The following EPN2 variants were observed in gnomAD, a reference collection of about 807,000 sequenced individuals.
EPN2 encodes epsin-2.
Under a neutral mutation model 61.7 loss-of-function variants are expected in EPN2, and 34 were observed. The observed-to-expected ratio is 0.55, with a 90% CI of 0.42 to 0.73. EPN2 has a LOEUF of 0.73. Ranked by LOEUF, EPN2 falls within the 30% of genes least tolerant of loss-of-function variation. The probability of loss-of-function intolerance (pLI) is 0.00; values close to 1 mark genes in which losing one functional copy is unlikely to be tolerated. For missense variants in EPN2, 714 were observed against 839.2 expected (o/e 0.85, Z 1.84); for synonymous variants, 349 against 353.6 (o/e 0.99, Z 0.15).
intron 3 of EPN2, among the ~76,000 whole-genome samples, chr17:19,284,226 A>G (rs184368130): frequency 5.3e-5 from 8 of 152,344 alleles, no homozygotes; most frequent in Admixed American, 3.3e-4. Flanking sequence ...GCTAGTGTGA[A>G]CAAGGCCTCC....
At chr17:19,265,378 G>GAAAAA (rs571952205) in intron 1 of EPN2, among the ~76,000 whole-genome samples, 1 of 137,876 alleles carries the variant, frequency 7.3e-6, no homozygotes, top group African/African-American at 2.6e-5. Context: ...CCTTTCTCAG[G>GAAAAA]AAAAAAAAAA....
chr17:19,249,043 C>T, intron 1 of EPN2, among the ~76,000 whole-genome samples: 1 of 152,222 alleles, frequency 6.6e-6, no homozygotes, highest in Admixed American at 6.5e-5. Context: ...GTGGCAGAGG[C>T]CCAGCTGCCT....
chr17:19,248,533 A>G (rs1398083294), intron 1 of EPN2: 1 of 152,232 alleles, frequency 6.6e-6, no homozygotes, highest in African/African-American at 2.4e-5. Context: ...TTACTAATTT[A>G]GATAGATTCA....
intron 1 of EPN2, among the ~76,000 whole-genome samples, chr17:19,254,551 AAAAC>A (rs1597972805): frequency 6.6e-6 from 1 of 152,148 alleles, no homozygotes; most frequent in Non-Finnish European, 1.5e-5. Flanking sequence ...AAAAAAAACA[AAAAC>A]AAAAACAAAA....
intron 7 of EPN2, among the ~76,000 whole-genome samples, chr17:19,324,712 T>G (rs767994534): frequency 6.6e-6 from 1 of 152,118 alleles, no homozygotes; most frequent in Non-Finnish European, 1.5e-5. Context: ...ATGTTCACAT[T>G]AGTAAAAAAG....
chr17:19,248,649 CCACTT>C (rs535664249), intron 1 of EPN2, among the ~76,000 whole-genome samples: 125 of 152,266 alleles, frequency 8.2e-4, no homozygotes, highest in African/African-American at 2.9e-3. Context: ...AGTTTATAGT[CCACTT>C]CATTTATTCT....
chr17:19,334,497 C>A lies in EPN2; in HGVS notation c.*243C>A, dbSNP rs1907310437. On this transcript the variant is annotated 3_prime_UTR_variant, in exon 11 of 11. Transcript: ENST00000314728. The surrounding 1 kb of genome is among the most constrained non-coding windows in gnomAD (Gnocchi z 4.9). ...AAGCACTGAGGTCCTGGCAGGGCTCCTCTGAGGCCTTGGACGAGGACGTGG... is the reference window on the plus strand; with the variant it reads ...AAGCACTGAGGTCCTGGCAGGGCTCATCTGAGGCCTTGGACGAGGACGTGG... 2.7e-6 allele frequency: 1 copy of A among 374,692 alleles called. No homozygotes were observed. Among genetic ancestry groups the A allele is most frequent in the African/African-American group, 2.1e-5 (1 of 48,196 alleles). 23.2% of individuals were successfully genotyped at this position (374,692 alleles called of 1,614,324 possible). A position where few individuals can be genotyped will look rare whatever the true frequency, so the allele number is the denominator to read the frequency against.
At chr17:19,310,898 A>C (rs964175381) in intron 5 of EPN2, among the ~76,000 whole-genome samples, 3 of 152,016 alleles carry the variant, frequency 2.0e-5, no homozygotes, top group African/African-American at 4.8e-5. Flanking sequence ...TTTAGTAAGC[A>C]TGCATTACTT....
At chr17:19,268,037 G>A (rs1048096925) in intron 1 of EPN2, among the ~76,000 whole-genome samples, 2 of 152,278 alleles carry the variant, frequency 1.3e-5, no homozygotes, top group South Asian at 2.1e-4. Context: ...TCAGCCTGCC[G>A]CAGCCTCTGC....
intron 4 of EPN2, among the ~76,000 whole-genome samples, chr17:19,298,251 A>G (rs2045540105): frequency 1.3e-5 from 2 of 151,996 alleles, no homozygotes. Context: ...CTGGAGTGCA[A>G]TGGCACGATT....
At chr17:19,299,783 G>A (rs903297297) in intron 4 of EPN2, among the ~76,000 whole-genome samples, 1 of 152,206 alleles carries the variant, frequency 6.6e-6, no homozygotes, top group Non-Finnish European at 1.5e-5. Context: ...CTGCATTGGG[G>A]CCATAACGTG....
At chr17:19,320,012 G>A (rs954078330) in intron 7 of EPN2, among the ~76,000 whole-genome samples, 2 of 152,244 alleles carry the variant, frequency 1.3e-5, no homozygotes, top group African/African-American at 2.4e-5. Context: ...CCAGAAAGGC[G>A]AAGCCTGAGG....
intron 4 of EPN2, among the ~76,000 whole-genome samples, chr17:19,296,406 C>T (rs1277330387): frequency 6.6e-6 from 1 of 152,114 alleles, no homozygotes; most frequent in African/African-American, 2.4e-5. Context: ...CCACCTCTGC[C>T]TCCCAAAGTG....
intron 4 of EPN2, chr17:19,305,967 G>A (rs1346636660): frequency 6.6e-6 from 1 of 152,246 alleles, no homozygotes; most frequent in Non-Finnish European, 1.5e-5. Context: ...ACCACAGCAA[G>A]TGAAGACTTG....
chr17:19,280,638 T>G (rs1039599252), intron 1 of EPN2, among the ~76,000 whole-genome samples: 7 of 152,174 alleles, frequency 4.6e-5, no homozygotes, highest in Non-Finnish European at 4.4e-5. Flanking sequence ...TGTCCCCTTT[T>G]TGTGTGTGGA....
chr17:19,335,322 C>T lies in EPN2; in HGVS notation c.*1068C>T, dbSNP rs1907355512. Reference sequence around the variant, plus strand: ...GCTATTTTTCTTACGAATATACCAACATCCTGAAAGTTAAAGAAAAAAATC... The same window carrying T: ...GCTATTTTTCTTACGAATATACCAATATCCTGAAAGTTAAAGAAAAAAATC... On this transcript the variant is annotated 3_prime_UTR_variant, in exon 11 of 11. Transcript: ENST00000314728. 2 of 1,393,378 alleles carry T rather than the reference C, an allele frequency of 1.4e-6. No individual in the cohort carries two copies. The highest frequency in any genetic ancestry group is 2.0e-6 in the Non-Finnish European group (2 of 1,022,818). 86.3% of individuals were successfully genotyped at this position (1,393,378 alleles called of 1,614,324 possible).
intron 7 of EPN2, among the ~76,000 whole-genome samples, chr17:19,315,789 T>C (rs959141943): frequency 6.6e-6 from 1 of 152,216 alleles, no homozygotes; most frequent in Non-Finnish European, 1.5e-5. Context: ...CTGGCCCATT[T>C]CAACCATTTT....
chr17:19,333,935 C>T (rs1907278328), intron 10 of EPN2, 21 bp from the exon 11 acceptor site: 1 of 1,514,492 alleles, frequency 6.6e-7, no homozygotes, highest in South Asian at 1.4e-5. Flanking sequence ...TCAGCCTCTG[C>T]CCCTCCTTCT....
intron 4 of EPN2, among the ~76,000 whole-genome samples, chr17:19,292,603 A>G (rs4924973): frequency 0.97 from 147,373 of 152,342 alleles, 71,548 homozygotes; most frequent in African/African-American, 0.99. Context: ...CCTCAGAGGC[A>G]GCAGATTTAT....
Sources: gnomAD v4.1 joint callset for allele counts (sites outside exome capture counted in the v4.1 genomes callset) on GRCh38, gnomAD v4.1.1 for gene constraint, Gnocchi (gnomAD v3.1) non-coding constraint, MANE v1.5 for transcripts, NCBI Gene and HGNC (gene_info 2026-07-23, HGNC 2026-07-21) for gene names.